Variants in MACROH2A2 observed in about 807,000 individuals in gnomAD.
The protein encoded by MACROH2A2 is macroH2A.2 histone.
In MACROH2A2, 6 loss-of-function variants were observed where a neutral mutation model predicts 37.6. The observed-to-expected ratio is 0.16, with a 90% CI of 0.09 to 0.32. The LOEUF (loss-of-function observed/expected upper bound fraction) is 0.32. Among genes scored for constraint, MACROH2A2 ranks in the 10% least tolerant of loss-of-function variants. The pLI, the probability that MACROH2A2 is intolerant of heterozygous loss-of-function variation, is 1.00. For synonymous variants in MACROH2A2, 192 were observed against 202.7 expected, an observed-to-expected ratio of 0.95 and a Z score of 0.45; for missense variants, 290 against 485.9, an observed-to-expected ratio of 0.60 and a Z score of 3.79.
intron 1 of MACROH2A2, among the ~76,000 whole-genome samples, chr10:70,056,449 C>T (rs2072017721): frequency 6.6e-6 from 1 of 152,076 alleles, no homozygotes; most frequent in African/African-American, 2.4e-5. Flanking sequence ...CGGCCAAGTT[C>T]TGTAATTTGA....
intron 3 of MACROH2A2, among the ~76,000 whole-genome samples, chr10:70,090,723 G>A (rs1359130378): frequency 6.6e-6 from 1 of 152,160 alleles, no homozygotes; most frequent in Non-Finnish European, 1.5e-5. Flanking sequence ...ATCATGGACT[G>A]ATAATTTCCA....
rs1301406324 is a variant in MACROH2A2, at chr10:70,075,008, T to A, written c.-59-592T>A. ...ACAATACAAATTTATTTTCTTATAG[T>A]TCAGGGGTCAGAAGTCCAAAATTAG... On this transcript the variant is annotated intron_variant, in intron 1 of 8. Transcript: ENST00000373255. This position sits in a 1 kb window ranked among gnomAD's most constrained non-coding sequence, Gnocchi z 5.0. Among the ~76,000 whole-genome samples the A allele has an allele frequency of 4.6e-5, 7 of 152,240 alleles. No individual in the cohort carries two copies. The highest frequency in any genetic ancestry group is 3.9e-4 in the Admixed American group (6 of 15,294).
chr10:70,059,916 C>T (rs2072041421), intron 1 of MACROH2A2, among the ~76,000 whole-genome samples: 1 of 152,118 alleles, frequency 6.6e-6, no homozygotes, highest in Non-Finnish European at 1.5e-5. Context: ...CAGTGGTAGC[C>T]CTTAGCTGAA....
intron 1 of MACROH2A2, among the ~76,000 whole-genome samples, chr10:70,056,786 A>G (rs1378305552): frequency 2.6e-5 from 4 of 152,170 alleles, no homozygotes; most frequent in Non-Finnish European, 5.9e-5. Context: ...GGCCTGGCCT[A>G]CCCTGCCAAG....
intron 1 of MACROH2A2, among the ~76,000 whole-genome samples, chr10:70,055,364 G>C (rs57309171): frequency 0.12 from 18,336 of 152,258 alleles, 1,191 homozygotes; most frequent in South Asian, 0.22. Context: ...CTTGTGGTTA[G>C]AGATCATTCA....
chr10:70,085,904 T>C (rs922521415), intron 2 of MACROH2A2, among the ~76,000 whole-genome samples: 11 of 152,236 alleles, frequency 7.2e-5, no homozygotes, highest in Admixed American at 2.0e-4. Flanking sequence ...CACTCAAGAA[T>C]GTAACAAACT....
At chr10:70,077,451 C>T (rs1367839708) in intron 2 of MACROH2A2, among the ~76,000 whole-genome samples, 1 of 152,026 alleles carries the variant, frequency 6.6e-6, no homozygotes, top group African/African-American at 2.4e-5. Context: ...ACTGGGATTA[C>T]AGGCCGGTAA....
intron 6 of MACROH2A2, 151 bp from the exon 7 acceptor site, chr10:70,100,057 G>C (rs1053084334): frequency 2.2e-5 from 12 of 534,328 alleles, no homozygotes; most frequent in Admixed American, 3.3e-5. Context: ...TGCCTCCCCT[G>C]ACCACTGGCA....
chr10:70,091,751 C>A lies in MACROH2A2; in HGVS notation c.280-6C>A, dbSNP rs1223422838. 2 of 1,609,332 alleles carry A rather than the reference C, an allele frequency of 1.2e-6. No homozygotes were observed. Among genetic ancestry groups the A allele is most frequent in the East Asian group, 2.2e-5 (1 of 44,836 alleles). On this transcript the variant is annotated splice_polypyrimidine_tract_variant and splice_region_variant and intron_variant, in intron 3 of 8. Transcript: ENST00000373255. ...GCTACATGAGCGCATGCATTTCTCT[C>A]TTCAGCTGCTAAAAGGAGTGACCAT...
intron 5 of MACROH2A2, 102 bp from the exon 6 acceptor site, chr10:70,095,552 G>T: frequency 1.5e-6 from 1 of 666,116 alleles, no homozygotes. Context: ...GTTGACATTG[G>T]GTATGAATAA....
intron 1 of MACROH2A2, among the ~76,000 whole-genome samples, chr10:70,069,806 G>C (rs1372287318): frequency 6.6e-6 from 1 of 151,916 alleles, no homozygotes; most frequent in Non-Finnish European, 1.5e-5. Flanking sequence ...CCAGGATGTG[G>C]ATAAAAACCC....
chr10:70,091,235 A>G (rs1178000205), intron 3 of MACROH2A2, among the ~76,000 whole-genome samples: 1 of 152,188 alleles, frequency 6.6e-6, no homozygotes, highest in Non-Finnish European at 1.5e-5. Context: ...ATTTTGCTTT[A>G]CTTCGTTTTG....
At chr10:70,086,312 C>A (rs766621686) in intron 2 of MACROH2A2, among the ~76,000 whole-genome samples, 2 of 151,088 alleles carry the variant, frequency 1.3e-5, no homozygotes, top group Non-Finnish European at 2.9e-5. Flanking sequence ...AAAAAAAAGT[C>A]CCACCACTGC....
chr10:70,111,815 A>C lies in MACROH2A2; in HGVS notation c.*132A>C, dbSNP rs1269696693. On this transcript the variant is annotated 3_prime_UTR_variant, in exon 9 of 9. Coordinates refer to ENST00000373255, the MANE Select transcript of MACROH2A2 (RefSeq NM_018649.3). ...CCGGGCAGGTCCTGCCGGCGCAGGG[A>C]GCCCTCTGCCCTTCACACTCTCCTC... 1.5e-6 allele frequency: 1 copy of C among 671,540 alleles called. No homozygotes were observed. Among genetic ancestry groups the C allele is most frequent in the South Asian group, 2.4e-5 (1 of 41,480 alleles). The allele number at this position is 671,540 out of a possible 1,614,324, so 41.6% of individuals were successfully genotyped here.
chr10:70,089,184 T>C (rs553567914), intron 2 of MACROH2A2, among the ~76,000 whole-genome samples: 18 of 152,310 alleles, frequency 1.2e-4, no homozygotes, highest in Non-Finnish European at 2.5e-4. Flanking sequence ...CACTATTCTC[T>C]TCAGAGATGG....
At chr10:70,081,450 G>A (rs1272348389) in intron 2 of MACROH2A2, among the ~76,000 whole-genome samples, 2 of 152,062 alleles carry the variant, frequency 1.3e-5, no homozygotes, top group Admixed American at 1.3e-4. Context: ...TGTGCCCAGT[G>A]GGCCAGGGAG....
Position 70,075,920 on chromosome 10 carries a change from T to A in MACROH2A2, c.172+90T>A, listed in dbSNP as rs1347766281. The stretch of plus-strand genomic sequence containing the variant: ...GCAGGCTGGGGAGGGATGCTCCAAA[T>A]TGCCTTTTGGCTGGCTCAAGGCTAC... On this transcript the variant is annotated intron_variant, in intron 2 of 8. Transcript: ENST00000373255. The surrounding 1 kb of genome is among the most constrained non-coding windows in gnomAD (Gnocchi z 5.0). 8.7e-7 allele frequency: 1 copy of A among 1,149,362 alleles called. No individual in the cohort carries two copies. The highest frequency in any genetic ancestry group is 1.2e-6 in the Non-Finnish European group (1 of 801,252). 71.2% of individuals were successfully genotyped at this position (1,149,362 alleles called of 1,614,324 possible). A position where few individuals can be genotyped will look rare whatever the true frequency, so the allele number is the denominator to read the frequency against.
intron 8 of MACROH2A2, 78 bp downstream of exon 8, chr10:70,109,285 T>A: frequency 7.9e-7 from 1 of 1,266,030 alleles, no homozygotes; most frequent in Non-Finnish European, 1.1e-6. Flanking sequence ...ACATCTGATC[T>A]GGGTGTTGCC....
intron 2 of MACROH2A2, among the ~76,000 whole-genome samples, chr10:70,085,843 G>A (rs957401169): frequency 6.6e-6 from 1 of 152,118 alleles, no homozygotes. Context: ...CCTATTGATT[G>A]CCAATATAAG....
Sources: allele counts gnomAD v4.1 joint callset (sites outside exome capture counted in the v4.1 genomes callset), GRCh38; gene constraint gnomAD v4.1.1; non-coding constraint Gnocchi (gnomAD v3.1); transcripts MANE v1.5; gene names NCBI Gene and HGNC (gene_info 2026-07-23, HGNC 2026-07-21).